The following OR2L3 variants were observed in gnomAD, a reference collection of about 807,000 sequenced individuals.
OR2L3 encodes the protein olfactory receptor 2L3.
For missense variants in OR2L3, 369 were observed against 376.6 expected (o/e 0.98, Z 0.17); for synonymous variants, 131 against 139.1 (o/e 0.94, Z 0.41).
intron 1 of OR2L3, among the ~76,000 whole-genome samples, chr1:248,052,167 T>C (rs1023984653): frequency 3.3e-5 from 5 of 152,220 alleles, no homozygotes; most frequent in African/African-American, 1.2e-4. Context: ...ATCTCTTGCA[T>C]TTAGGATTTT....
chr1:248,051,826 ATATACT>A (rs1241851780), intron 1 of OR2L3, among the ~76,000 whole-genome samples: 1 of 152,026 alleles, frequency 6.6e-6, no homozygotes, highest in African/African-American at 2.4e-5. Context: ...TTGTTGGATC[ATATACT>A]TATTCTATGT....
At chr1:248,048,596 C>T (rs1663159921) in intron 1 of OR2L3, among the ~76,000 whole-genome samples, 1 of 152,076 alleles carries the variant, frequency 6.6e-6, no homozygotes, top group South Asian at 2.1e-4. Context: ...GTACAGACAG[C>T]TTGTTTTAAG....
At position 248,061,280 on chromosome 1, in the gene OR2L3, T is replaced by A. The variant is rs562420132; in HGVS notation, c.599T>A (p.Leu200Ter). The change falls in exon 2 of 2, where the codon TTG becomes TAG. Residue 200 changes from leucine to a stop codon, truncating the protein, a stop_gained. Transcript: ENST00000359959. LOFTEE classifies it low-confidence loss of function (END_TRUNC). ...DTWVYEGTVF[L>*]STTIFLVFPF... ...TGGGTCTATGAGGGCACAGTGTTTT[T>A]GAGCACCACCATCTTTCTCGTGTTT... 1 of 1,604,642 alleles carries A rather than the reference T, an allele frequency of 6.2e-7. No homozygotes were observed. Among genetic ancestry groups the A allele is most frequent in the Admixed American group, 1.7e-5 (1 of 59,860 alleles).
chr1:248,046,956 C>CT (rs998696201), intron 1 of OR2L3, 76 bp downstream of exon 1: 1 of 151,888 alleles, frequency 6.6e-6, no homozygotes, highest in Non-Finnish European at 1.5e-5. Flanking sequence ...CTTAAGAGAC[C>CT]TTTTTTCAGA....
At chr1:248,056,257 G>A (rs1663430974) in intron 1 of OR2L3, among the ~76,000 whole-genome samples, 1 of 151,800 alleles carries the variant, frequency 6.6e-6, no homozygotes, top group African/African-American at 2.4e-5. Flanking sequence ...GTGCCATGTT[G>A]GTCTTGATAG....
intron 1 of OR2L3, among the ~76,000 whole-genome samples, chr1:248,050,187 C>A (rs142203438): frequency 6.6e-6 from 1 of 151,606 alleles, no homozygotes; most frequent in African/African-American, 2.4e-5. Flanking sequence ...AAATAGTGAC[C>A]AGGACTTTTT....
chr1:248,052,736 G>GA (rs1023863007), intron 1 of OR2L3, among the ~76,000 whole-genome samples: 16 of 148,892 alleles, frequency 1.1e-4, no homozygotes, highest in African/African-American at 3.4e-4. Flanking sequence ...ATCTCAAAAA[G>GA]AAAAAAAAAT....
In OR2L3 at chr1:248,061,153, C is replaced by T. The variant is rs113496703; in HGVS notation, c.472C>T (p.His158Tyr). ...WIIGSINACA[H>Y]TVYVLHIPYC... ...CATAGGCTCGATCAATGCTTGTGCT[C>T]ACACTGTATATGTACTCCATATTCC... The change falls in exon 2 of 2, where the codon CAC becomes TAC. Residue 158 changes from histidine to tyrosine, a missense_variant. His to Tyr is a moderately conservative substitution (Grantham distance 83). Coordinates refer to ENST00000359959, the MANE Select transcript of OR2L3 (RefSeq NM_001004687.2). 3,221 of 1,613,160 alleles carry T rather than the reference C, an allele frequency of 2.0e-3. 60 individuals are homozygous for T. In the African/African-American group the frequency reaches 0.038, roughly 19 times the overall value.
chr1:248,059,786 T>A (rs1663563941), intron 1 of OR2L3, among the ~76,000 whole-genome samples: 1 of 152,190 alleles, frequency 6.6e-6, no homozygotes, highest in Admixed American at 6.5e-5. Context: ...AGCTCATGAC[T>A]GCACTCCCAG....
At chr1:248,059,862 C>T (rs1365296481) in intron 1 of OR2L3, among the ~76,000 whole-genome samples, 3 of 152,032 alleles carry the variant, frequency 2.0e-5, no homozygotes, top group Non-Finnish European at 4.4e-5. Flanking sequence ...GGCAACATAG[C>T]AAGACTTCAT....
intron 1 of OR2L3, among the ~76,000 whole-genome samples, chr1:248,053,751 G>A (rs910470114): frequency 6.6e-6 from 1 of 152,092 alleles, no homozygotes; most frequent in Non-Finnish European, 1.5e-5. Flanking sequence ...CCATACCTAT[G>A]TCTTTTTTTT....
chr1:248,049,598 G>A (rs1663190432), intron 1 of OR2L3, among the ~76,000 whole-genome samples: 1 of 152,132 alleles, frequency 6.6e-6, no homozygotes. Context: ...TGAAGTGAAA[G>A]TACAGTAAAA....
Position 248,060,936 on chromosome 1 carries a change from G to A in OR2L3, c.255G>A (p.Leu85=). The A allele has an allele frequency of 6.2e-7, 1 of 1,613,944 alleles. No homozygotes were observed. Among genetic ancestry groups the A allele is most frequent in the Non-Finnish European group, 8.5e-7 (1 of 1,179,880 alleles). ...TTCCTAAGATGGCATCTGATTTTCTGTCTGGTAACAAGTCTATCTCCTTCA... is the reference window on the plus strand; with the variant it reads ...TTCCTAAGATGGCATCTGATTTTCTATCTGGTAACAAGTCTATCTCCTTCA... ...TIVPKMASDF[L]SGNKSISFTG... Residue 85 remains leucine, a synonymous_variant, in exon 2 of 2, where the codon CTG becomes CTA. Coordinates refer to ENST00000359959, the MANE Select transcript of OR2L3 (RefSeq NM_001004687.2).
rs531071697 is a variant in OR2L3 at position 248,061,972 on chromosome 1, A to G, written c.*352A>G. 5.1e-4 allele frequency: 89 copies of G among 174,464 alleles called. 1 individual carries two copies. Among genetic ancestry groups the G allele is most frequent in the Non-Finnish European group, 8.4e-4 (69 of 82,384 alleles). 10.8% of individuals were successfully genotyped at this position (174,464 alleles called of 1,614,324 possible). A position where few individuals can be genotyped will look rare whatever the true frequency, so the allele number is the denominator to read the frequency against. ...CTTATGGTCAGTTTATTTTCCAGTA[A>G]TTTTAAATTTACTTTTTTGTTTATG... On this transcript the variant is annotated 3_prime_UTR_variant, in exon 2 of 2. Coordinates refer to ENST00000359959, the MANE Select transcript of OR2L3 (RefSeq NM_001004687.2).
At chr1:248,051,020 C>T (rs1357214646) in intron 1 of OR2L3, among the ~76,000 whole-genome samples, 1 of 152,122 alleles carries the variant, frequency 6.6e-6, no homozygotes. Context: ...TTAAGAGGAA[C>T]ACCATTTTAA....
chr1:248,053,711 ATGT>A (rs1191022500), intron 1 of OR2L3, among the ~76,000 whole-genome samples: 1 of 152,132 alleles, frequency 6.6e-6, no homozygotes, highest in Non-Finnish European at 1.5e-5. Context: ...ATGATCAGTG[ATGT>A]TGTGCTTTTT....
intron 1 of OR2L3, among the ~76,000 whole-genome samples, chr1:248,050,453 G>A (rs989533636): frequency 1.3e-5 from 2 of 151,964 alleles, no homozygotes; most frequent in African/African-American, 4.8e-5. Context: ...TTTCCTGTCA[G>A]GAACCAGCCT....
At chr1:248,047,636 G>C (rs370220449) in intron 1 of OR2L3, among the ~76,000 whole-genome samples, 1 of 151,872 alleles carries the variant, frequency 6.6e-6, no homozygotes, top group Admixed American at 6.6e-5. Context: ...TTTTTCTTTC[G>C]GGACACAAGG....
intron 1 of OR2L3, among the ~76,000 whole-genome samples, chr1:248,050,804 CA>C (rs997057872): frequency 2.4e-4 from 36 of 151,978 alleles, no homozygotes; most frequent in African/African-American, 8.7e-4. Context: ...ATCTTAATGC[CA>C]ATCTCATCTT....
Sources: allele counts gnomAD v4.1 joint callset (sites outside exome capture counted in the v4.1 genomes callset), GRCh38; gene constraint gnomAD v4.1.1; transcripts MANE v1.5; gene names NCBI Gene and HGNC (gene_info 2026-07-23, HGNC 2026-07-21).